The following DNAH11 variants were observed in gnomAD, a reference collection of about 807,000 sequenced individuals.
The protein encoded by DNAH11 is axonemal beta dynein heavy chain 11.
Under a neutral mutation model 526.0 loss-of-function variants are expected in DNAH11, and 442 were observed. The ratio of observed to expected loss-of-function variants is 0.84; its 90% confidence interval spans 0.78 to 0.91. DNAH11 has a LOEUF of 0.91. DNAH11 is among the 40% of genes least tolerant of loss of function. DNAH11 has a pLI of 0.00. For missense variants in DNAH11, 6,989 were observed against 5,448.7 expected, an observed-to-expected ratio of 1.28 and a Z score of -8.90; for synonymous variants, 2,461 against 1,935.9, an observed-to-expected ratio of 1.27 and a Z score of -7.12.
In DNAH11 at chr7:21,765,420, C is replaced by T; in HGVS notation, c.8941-8C>T. On this transcript the variant is annotated splice_region_variant and splice_polypyrimidine_tract_variant and intron_variant, in intron 54 of 81. Coordinates refer to ENST00000409508, the MANE Select transcript of DNAH11 (RefSeq NM_001277115.2). The stretch of plus-strand genomic sequence containing the variant: ...GCCTGTTTCTGCCTTGCCCCCATGT[C>T]TCCACAGATCATTTTGTGTTTCTCT... 3 of 1,613,676 alleles carry T rather than the reference C, an allele frequency of 1.9e-6. No individual in the cohort carries two copies. Among genetic ancestry groups the T allele is most frequent in the Non-Finnish European group, 2.5e-6 (3 of 1,179,676 alleles).
intron 41 of DNAH11, among the ~76,000 whole-genome samples, 153 bp from the exon 42 acceptor site, chr7:21,711,559 G>C (rs540164077): frequency 3.6e-4 from 55 of 152,288 alleles, no homozygotes; most frequent in South Asian, 8.3e-4. Context: ...GGTCATCTCA[G>C]GGGTGAGCTT....
rs1784726445 is a variant in DNAH11 at position 21,717,926 on chromosome 7, G to A, written c.7134+1G>A. The stretch of plus-strand genomic sequence containing the variant: ...AATTCCTGAGAGTAGCCTGGTGCAG[G>A]TTTGTCTTCGGTTACGCCATTTAAC... On this transcript the variant is annotated splice_donor_variant, in intron 43 of 81. Transcript: ENST00000409508. LOFTEE classifies it high-confidence loss of function. The A allele has an allele frequency of 6.2e-7, 1 of 1,610,844 alleles. No individual in the cohort carries two copies.
chr7:21,595,002 C>A (rs1284075903), intron 14 of DNAH11, among the ~76,000 whole-genome samples: 2 of 152,126 alleles, frequency 1.3e-5, no homozygotes, highest in African/African-American at 4.8e-5. Flanking sequence ...AAGAGGCAGG[C>A]CGACCTGGTA....
At chr7:21,759,450 G>A (rs908917121) in intron 54 of DNAH11, among the ~76,000 whole-genome samples, 1 of 152,124 alleles carries the variant, frequency 6.6e-6, no homozygotes, top group African/African-American at 2.4e-5. Context: ...TAGATGGGGT[G>A]GTAATACAGG....
At chr7:21,547,262 C>T (rs1583470806) in intron 2 of DNAH11, among the ~76,000 whole-genome samples, 1 of 152,218 alleles carries the variant, frequency 6.6e-6, no homozygotes, top group Non-Finnish European at 1.5e-5. Flanking sequence ...GTTTTATCCA[C>T]AGCTCATGAC....
At chr7:21,595,536 C>G (rs1784830311) in intron 14 of DNAH11, among the ~76,000 whole-genome samples, 1 of 152,114 alleles carries the variant, frequency 6.6e-6, no homozygotes, top group Non-Finnish European at 1.5e-5. Flanking sequence ...AAAGATTATT[C>G]TACACATTTT....
rs1431548089 is a variant in DNAH11 at position 21,850,191 on chromosome 7, CT to C, written c.10897-2275del. On this transcript the variant is annotated intron_variant, in intron 66 of 81. Coordinates refer to ENST00000409508, the MANE Select transcript of DNAH11 (RefSeq NM_001277115.2). ...CTAACACGGTGAAACCCCATCTCTA[CT>C]AAAAATACAAAAAATTAGCCAGGTG... Among the ~76,000 whole-genome samples the C allele has an allele frequency of 5.5e-5, 7 of 126,660 alleles. No individual in the cohort carries two copies. In the East Asian group the frequency reaches 1.9e-3, roughly 35 times the overall value. The allele number at this position is 126,660 out of a possible 152,430, so 83.1% of individuals were successfully genotyped here.
intron 54 of DNAH11, among the ~76,000 whole-genome samples, chr7:21,757,326 G>A (rs1391855311): frequency 6.6e-6 from 1 of 152,154 alleles, no homozygotes. Flanking sequence ...CCATCATTGA[G>A]TATGGGATGA....
intron 32 of DNAH11, 105 bp downstream of exon 32, chr7:21,684,049 ATG>A: frequency 8.3e-7 from 1 of 1,205,090 alleles, no homozygotes; most frequent in Non-Finnish European, 1.2e-6. Flanking sequence ...ACAATGAACT[ATG>A]TGAAAGTGGT....
At chr7:21,853,671 A>G (rs1449649893) in intron 67 of DNAH11, among the ~76,000 whole-genome samples, 3 of 152,234 alleles carry the variant, frequency 2.0e-5, no homozygotes, top group East Asian at 3.8e-4. Flanking sequence ...AAAGAAATAG[A>G]TATTTGAGCC....
intron 32 of DNAH11, among the ~76,000 whole-genome samples, chr7:21,686,052 C>T (rs556560013): frequency 3.3e-4 from 51 of 152,318 alleles, no homozygotes; most frequent in African/African-American, 1.1e-3. Context: ...GATTCCTAGT[C>T]TGGGAGCCTT....
intron 2 of DNAH11, among the ~76,000 whole-genome samples, chr7:21,548,580 G>C (rs1017761221): frequency 6.6e-6 from 1 of 152,182 alleles, no homozygotes; most frequent in African/African-American, 2.4e-5. Flanking sequence ...GGAAATGCCA[G>C]AGTGAAGGCA....
At chr7:21,770,075 TG>T (rs1261084647) in intron 55 of DNAH11, among the ~76,000 whole-genome samples, 4 of 152,190 alleles carry the variant, frequency 2.6e-5, no homozygotes, top group Non-Finnish European at 5.9e-5. Context: ...TAACACTTGT[TG>T]CTGCCCTGTG....
rs1056695207 is a variant in DNAH11, at chr7:21,570,310, T to A, written c.1425+11T>A. 2 of 1,580,520 alleles carry A rather than the reference T, an allele frequency of 1.3e-6. No homozygotes were observed. Among genetic ancestry groups the A allele is most frequent in the Non-Finnish European group, 1.7e-6 (2 of 1,165,900 alleles). ...TTAATAAAAATAGAGGTATTCATTTTTTGATTTTATTTATTCATGTTGAAG... is the reference window on the plus strand; with the variant it reads ...TTAATAAAAATAGAGGTATTCATTTATTGATTTTATTTATTCATGTTGAAG... On this transcript the variant is annotated intron_variant, in intron 7 of 81. Transcript: ENST00000409508.
intron 1 of DNAH11, among the ~76,000 whole-genome samples, chr7:21,544,295 CATGTT>C (rs1332219065): frequency 2.6e-5 from 4 of 152,264 alleles, no homozygotes; most frequent in Middle Eastern, 6.8e-3. Flanking sequence ...CTCAGTTTAA[CATGTT>C]ATGTCGTTTT....
intron 42 of DNAH11, among the ~76,000 whole-genome samples, chr7:21,712,562 G>A (rs1190335893): frequency 6.6e-6 from 1 of 152,118 alleles, no homozygotes; most frequent in Non-Finnish European, 1.5e-5. Flanking sequence ...TCTAACAGTA[G>A]CCATGCTAAT....
chr7:21,873,771 C>T (rs1425883453), intron 74 of DNAH11, among the ~76,000 whole-genome samples: 2 of 102,866 alleles, frequency 1.9e-5, no homozygotes, highest in African/African-American at 8.4e-5. Context: ...TAGGTAACTT[C>T]TTGAGGAGGT....
intron 7 of DNAH11, chr7:21,570,833 A>T (rs960236583): frequency 3.9e-5 from 6 of 152,048 alleles, no homozygotes; most frequent in African/African-American, 7.3e-5. Context: ...AAAATTAAAC[A>T]CATACAACCT....
At chr7:21,701,818 CT>C (rs1481538619) in intron 36 of DNAH11, among the ~76,000 whole-genome samples, 1 of 152,112 alleles carries the variant, frequency 6.6e-6, no homozygotes, top group Admixed American at 6.5e-5. Context: ...TTTTATCTCC[CT>C]TTTTATAGAT....
Sources: gnomAD v4.1 joint callset for allele counts (sites outside exome capture counted in the v4.1 genomes callset) on GRCh38, gnomAD v4.1.1 for gene constraint, MANE v1.5 for transcripts, NCBI Gene and HGNC (gene_info 2026-07-23, HGNC 2026-07-21) for gene names.